Variants in WWOX observed in about 807,000 individuals in gnomAD.
WWOX encodes the protein WW domain containing oxidoreductase.
In WWOX, 69 loss-of-function variants were observed where a neutral mutation model predicts 46.2. The ratio of observed to expected loss-of-function variants is 1.49; its 90% CI spans 1.23 to 1.82. The LOEUF (loss-of-function observed/expected upper bound fraction) is 1.82. WWOX is among the 40% of genes most tolerant of loss of function. WWOX has a pLI of 0.00. For missense variants in WWOX, 919 were observed against 542.6 expected (o/e 1.69, Z -6.89); for synonymous variants, 359 against 202.6 (o/e 1.77, Z -6.56).
chr16:78,262,711 C>G (rs1204304103), intron 5 of WWOX, among the ~76,000 whole-genome samples: 1 of 152,152 alleles, frequency 6.6e-6, no homozygotes, highest in East Asian at 1.9e-4. Context: ...ACAGACCTGC[C>G]CTACCTAAGG....
At chr16:78,360,313 C>T (rs1056060081) in intron 5 of WWOX, among the ~76,000 whole-genome samples, 3 of 152,144 alleles carry the variant, frequency 2.0e-5, no homozygotes, top group Admixed American at 6.5e-5. Context: ...AGGCTGGGCA[C>T]AGTGGCTCAT....
At chr16:78,650,547 C>A (rs963189804) in intron 8 of WWOX, among the ~76,000 whole-genome samples, 3 of 152,150 alleles carry the variant, frequency 2.0e-5, no homozygotes, top group African/African-American at 7.2e-5. Flanking sequence ...TCCAGGACAC[C>A]TGCCTGCAAA....
At chr16:78,396,846 C>T (rs923268865) in intron 6 of WWOX, among the ~76,000 whole-genome samples, 9 of 152,226 alleles carry the variant, frequency 5.9e-5, no homozygotes, top group Admixed American at 4.6e-4. Flanking sequence ...ACATAAATAA[C>T]TGGGTGTGGC....
chr16:78,456,028 G>A (rs548659687), intron 8 of WWOX, among the ~76,000 whole-genome samples: 1 of 152,266 alleles, frequency 6.6e-6, no homozygotes, highest in East Asian at 1.9e-4. Flanking sequence ...TTCTACTTTT[G>A]TTACTACCGA....
In WWOX at chr16:78,863,438, C is replaced by A. The variant is rs1039499960; in HGVS notation, c.1057-348170C>A. Among the ~76,000 whole-genome samples the A allele has an allele frequency of 3.9e-5, 6 of 152,132 alleles. No homozygotes were observed. The East Asian group carries it at 9.6e-4, about 24-fold the overall frequency. On this transcript the variant is annotated intron_variant, in intron 8 of 8. Transcript: ENST00000566780. ...CTGAAATAATATGCAGCATTATATT[C>A]CATTTGTACCTGGGAAGAGGGTACT...
chr16:79,063,167 G>A (rs187148532), intron 8 of WWOX, among the ~76,000 whole-genome samples: 2 of 152,318 alleles, frequency 1.3e-5, no homozygotes, highest in South Asian at 2.1e-4. Context: ...TTCAGTAGAA[G>A]GAGTGGGATA....
intron 8 of WWOX, among the ~76,000 whole-genome samples, chr16:78,591,748 G>A (rs1242492974): frequency 6.6e-6 from 1 of 152,218 alleles, no homozygotes; most frequent in Non-Finnish European, 1.5e-5. Flanking sequence ...CTCTCTGAAG[G>A]TGGAGGCTGG....
chr16:78,325,941 C>G (rs1459420704), intron 5 of WWOX, among the ~76,000 whole-genome samples: 1 of 152,224 alleles, frequency 6.6e-6, no homozygotes, highest in African/African-American at 2.4e-5. Flanking sequence ...GTGCCTGGTG[C>G]TCAGCACATA....
At chr16:78,865,238 G>C (rs1221730990) in intron 8 of WWOX, among the ~76,000 whole-genome samples, 2 of 151,942 alleles carry the variant, frequency 1.3e-5, no homozygotes, top group Non-Finnish European at 2.9e-5. Flanking sequence ...TTTTTTCCTT[G>C]ACTTACTCTC....
chr16:78,775,718 A>T (rs36095292), intron 8 of WWOX, among the ~76,000 whole-genome samples: 1 of 152,184 alleles, frequency 6.6e-6, no homozygotes, highest in Non-Finnish European at 1.5e-5. Flanking sequence ...TGTTCATTCA[A>T]TGGTGGGTAT....
At chr16:79,167,194 G>A (rs947634183) in intron 8 of WWOX, among the ~76,000 whole-genome samples, 4 of 152,024 alleles carry the variant, frequency 2.6e-5, no homozygotes, top group Admixed American at 2.0e-4. Context: ...CACCCACCTC[G>A]GCCTCCCAAA....
At chr16:78,329,687 G>A (rs573455397) in intron 5 of WWOX, among the ~76,000 whole-genome samples, 1 of 152,170 alleles carries the variant, frequency 6.6e-6, no homozygotes, top group South Asian at 2.1e-4. Context: ...TGCCAATGTA[G>A]CCAACATATA....
intron 5 of WWOX, among the ~76,000 whole-genome samples, chr16:78,177,984 CA>C (rs1376532802): frequency 1.3e-5 from 2 of 152,170 alleles, no homozygotes; most frequent in Non-Finnish European, 2.9e-5. Flanking sequence ...GGACCATTAA[CA>C]AATTATAAGA....
At chr16:79,156,339 T>C (rs116914384) in intron 8 of WWOX, among the ~76,000 whole-genome samples, 1 of 152,270 alleles carries the variant, frequency 6.6e-6, no homozygotes, top group African/African-American at 2.4e-5. Context: ...TTTTGTGCAT[T>C]TTGTAGAGAT....
At chr16:78,624,221 T>C (rs2046257647) in intron 8 of WWOX, among the ~76,000 whole-genome samples, 1 of 151,726 alleles carries the variant, frequency 6.6e-6, no homozygotes, top group African/African-American at 2.4e-5. Flanking sequence ...TTTTTTTTTT[T>C]TCGTGGAATC....
intron 8 of WWOX, among the ~76,000 whole-genome samples, chr16:78,602,423 G>A (rs967866008): frequency 2.0e-5 from 3 of 152,078 alleles, no homozygotes; most frequent in African/African-American, 7.2e-5. Context: ...TAGTGGAGAC[G>A]GGGTTTCACT....
rs761493229 is a variant in WWOX, at chr16:78,099,856, C to G, written c.78C>G (p.Thr26=). 6.3e-7 allele frequency: 1 copy of G among 1,579,506 alleles called. No homozygotes were observed. The highest frequency in any genetic ancestry group is 1.2e-5 in the South Asian group (1 of 85,808). Residue 26 remains threonine (T), a synonymous_variant, in exon 1 of 9, where the codon ACC becomes ACG. Transcript: ENST00000566780. Reference sequence around the variant, plus strand: ...TGCCTCCGGGCTGGGAGGAGAGAACCACCAAGGACGGCTGGGTTTACTACG... The same window carrying G: ...TGCCTCCGGGCTGGGAGGAGAGAACGACCAAGGACGGCTGGGTTTACTACG... ...DELPPGWEER[T]TKDGWVYYAN...
intron 8 of WWOX, among the ~76,000 whole-genome samples, chr16:78,829,752 C>G (rs2051764152): frequency 6.6e-6 from 1 of 152,146 alleles, no homozygotes; most frequent in Non-Finnish European, 1.5e-5. Context: ...CCCAGAGATT[C>G]AGAGTATCCC....
intron 8 of WWOX, among the ~76,000 whole-genome samples, chr16:78,659,233 C>T (rs910147591): frequency 1.3e-5 from 2 of 152,064 alleles, no homozygotes; most frequent in African/African-American, 2.4e-5. Flanking sequence ...GAGGCACAGA[C>T]AGATTCAATA....
Sources: allele counts gnomAD v4.1 joint callset (sites outside exome capture counted in the v4.1 genomes callset), GRCh38; gene constraint gnomAD v4.1.1; transcripts MANE v1.5; gene names NCBI Gene and HGNC (gene_info 2026-07-23, HGNC 2026-07-21).